NKAIN2: variants seen among roughly 807,000 people sequenced by gnomAD.
NKAIN2 encodes sodium/potassium-transporting ATPase subunit beta-1-interacting protein 2.
A neutral mutation model predicts 32.6 loss-of-function variants in NKAIN2; 14 were observed. The observed-to-expected ratio is 0.43, with a 90% CI of 0.28 to 0.67. The LOEUF is 0.67. Among genes scored for constraint, NKAIN2 ranks in the 30% least tolerant of loss-of-function variants. The pLI, the probability that NKAIN2 is intolerant of heterozygous loss-of-function variation, is 0.17. For missense variants in NKAIN2, 198 were observed against 258.3 expected, an observed-to-expected ratio of 0.77 and a Z score of 1.60; for synonymous variants, 80 against 87.2, an observed-to-expected ratio of 0.92 and a Z score of 0.46.
rs571755577 is a variant in NKAIN2, at chr6:124,557,205, G to A, written c.274-100981G>A. Among the ~76,000 whole-genome samples the A allele has an allele frequency of 2.1e-4, 32 of 152,240 alleles. No homozygotes were observed. The South Asian group carries it at 6.0e-3, about 29-fold the overall frequency. On this transcript the variant is annotated intron_variant, in intron 3 of 6. Coordinates refer to ENST00000368417, the MANE Select transcript of NKAIN2 (RefSeq NM_001040214.3). ...GATTGTTTCTAAAAAATAACGGTGA[G>A]AATAATTCTATTATGGAGAAATGCT...
intron 2 of NKAIN2, among the ~76,000 whole-genome samples, chr6:124,323,309 T>G (rs914090007): frequency 6.6e-6 from 1 of 152,194 alleles, no homozygotes; most frequent in Non-Finnish European, 1.5e-5. Context: ...TTTTGTCTTA[T>G]GAATTACGTT....
chr6:124,643,524 T>C (rs1562301264), intron 3 of NKAIN2, among the ~76,000 whole-genome samples: 1 of 152,230 alleles, frequency 6.6e-6, no homozygotes, highest in Admixed American at 6.5e-5. Context: ...CGGTATATTT[T>C]ATTTTTATAC....
chr6:124,292,495 CT>C (rs1360710179), intron 2 of NKAIN2, among the ~76,000 whole-genome samples: 3 of 150,042 alleles, frequency 2.0e-5, no homozygotes, highest in Admixed American at 2.0e-4. Flanking sequence ...GTATGTTTTA[CT>C]TTGGTGTAAT....
chr6:123,830,796 C>G (rs1194193443), intron 1 of NKAIN2, among the ~76,000 whole-genome samples: 1 of 152,154 alleles, frequency 6.6e-6, no homozygotes, highest in Admixed American at 6.5e-5. Context: ...GTCTGTCCAG[C>G]GTGTGTATCA....
At chr6:123,959,043 G>A (rs1172402580) in intron 1 of NKAIN2, among the ~76,000 whole-genome samples, 1 of 152,190 alleles carries the variant, frequency 6.6e-6, no homozygotes, top group East Asian at 1.9e-4. Context: ...ATCAGTGTGA[G>A]TATTTGGCGG....
At chr6:124,659,487 G>T (rs971243826) in intron 4 of NKAIN2, among the ~76,000 whole-genome samples, 12 of 137,296 alleles carry the variant, frequency 8.7e-5, no homozygotes, top group African/African-American at 2.7e-4. Context: ...ATTTTTAATG[G>T]AATGTGTGTG....
chr6:124,225,847 CATT>C (rs1273674511), intron 1 of NKAIN2, among the ~76,000 whole-genome samples: 5 of 151,972 alleles, frequency 3.3e-5, no homozygotes, highest in African/African-American at 1.2e-4. Context: ...TCCAGAAAAT[CATT>C]ATGAAAACAA....
At chr6:124,244,545 C>T (rs928039758) in intron 1 of NKAIN2, among the ~76,000 whole-genome samples, 1 of 151,918 alleles carries the variant, frequency 6.6e-6, no homozygotes, top group Admixed American at 6.6e-5. Context: ...TATTGCTGCT[C>T]TTTGTATTTA....
At chr6:124,168,354 A>G (rs781159199) in intron 1 of NKAIN2, among the ~76,000 whole-genome samples, 33 of 152,128 alleles carry the variant, frequency 2.2e-4, no homozygotes, top group Non-Finnish European at 2.8e-4. Flanking sequence ...TTTTAGCTAC[A>G]ACAGAATTTA....
intron 6 of NKAIN2, among the ~76,000 whole-genome samples, chr6:124,819,636 A>G (rs1325056760): frequency 6.6e-6 from 1 of 152,116 alleles, no homozygotes; most frequent in Non-Finnish European, 1.5e-5. Flanking sequence ...TATCCTCCAT[A>G]TGGCTGCCAA....
chr6:124,526,042 T>C (rs1353334382), intron 3 of NKAIN2, among the ~76,000 whole-genome samples: 16 of 152,136 alleles, frequency 1.1e-4, no homozygotes, highest in Admixed American at 1.0e-3. Context: ...ACCTGAGAGG[T>C]AAATTTCAAT....
At chr6:124,513,295 A>T (rs535467435) in intron 3 of NKAIN2, among the ~76,000 whole-genome samples, 104 of 152,282 alleles carry the variant, frequency 6.8e-4, no homozygotes, top group African/African-American at 2.3e-3. Context: ...GACTCTTATT[A>T]AAAAAGGCGG....
chr6:124,791,462 C>G (rs1031904753), intron 5 of NKAIN2, 63 bp downstream of exon 5: 2 of 1,086,400 alleles, frequency 1.8e-6, no homozygotes, highest in African/African-American at 1.5e-5. Context: ...CTGCCTCCTA[C>G]TTAGCCTTCC....
chr6:124,339,682 A>G (rs560284573), intron 2 of NKAIN2, among the ~76,000 whole-genome samples: 1 of 152,252 alleles, frequency 6.6e-6, no homozygotes, highest in Admixed American at 6.5e-5. Context: ...CTTCATCTCA[A>G]AATCTTTAAC....
intron 1 of NKAIN2, among the ~76,000 whole-genome samples, chr6:123,832,604 GT>G (rs1354035079): frequency 1.3e-5 from 2 of 152,148 alleles, no homozygotes; most frequent in South Asian, 2.1e-4. Context: ...ATGAATGAGA[GT>G]TCTTACTGCT....
intron 1 of NKAIN2, among the ~76,000 whole-genome samples, chr6:123,976,261 ATAT>A (rs1778569059): frequency 8.9e-6 from 1 of 111,748 alleles, no homozygotes; most frequent in Admixed American, 9.0e-5. Flanking sequence ...ATATATATAT[ATAT>A]GTTTCCATAT....
chr6:123,920,977 A>G lies in NKAIN2; in HGVS notation c.54+116723A>G, dbSNP rs138112424. ...TCTTTTCCACTCCTGTTCACCAGGAATTGGGATATGACTGTGGGGTGGAGT... is the reference window on the plus strand; with the variant it reads ...TCTTTTCCACTCCTGTTCACCAGGAGTTGGGATATGACTGTGGGGTGGAGT... On this transcript the variant is annotated intron_variant, in intron 1 of 6. Coordinates refer to ENST00000368417, the MANE Select transcript of NKAIN2 (RefSeq NM_001040214.3). Among the ~76,000 whole-genome samples, 28 of 152,300 alleles carry G rather than the reference A, an allele frequency of 1.8e-4. No individual in the cohort carries two copies. In the East Asian group the frequency reaches 5.0e-3, roughly 27 times the overall value.
chr6:123,898,984 C>T (rs575603400), intron 1 of NKAIN2, among the ~76,000 whole-genome samples: 2 of 152,314 alleles, frequency 1.3e-5, no homozygotes, highest in South Asian at 2.1e-4. Flanking sequence ...ACTAAGCCTT[C>T]TGTGAGTTTT....
intron 5 of NKAIN2, among the ~76,000 whole-genome samples, chr6:124,809,947 C>G (rs1780806155): frequency 6.6e-6 from 1 of 152,124 alleles, no homozygotes; most frequent in Admixed American, 6.5e-5. Flanking sequence ...TCATCTCACA[C>G]CAGTTAGAAT....
Sources: gnomAD v4.1 joint callset for allele counts (sites outside exome capture counted in the v4.1 genomes callset) on GRCh38, gnomAD v4.1.1 for gene constraint, MANE v1.5 for transcripts, NCBI Gene and HGNC (gene_info 2026-07-23, HGNC 2026-07-21) for gene names.